The following UBE2Q1 variants were observed in gnomAD, a reference collection of about 807,000 sequenced individuals.
The protein encoded by UBE2Q1 is ubiquitin conjugating enzyme E2 Q1, also known as ubiquitin-conjugating enzyme E2 Q1.
A neutral mutation model predicts 60.1 loss-of-function variants in UBE2Q1; 6 were observed. The ratio of observed to expected loss-of-function variants is 0.10; its 90% CI spans 0.05 to 0.20. The LOEUF is 0.20. Among genes scored for constraint, UBE2Q1 ranks in the 10% least tolerant of loss-of-function variants. The pLI is 1.00. For synonymous variants in UBE2Q1, 226 were observed against 208.3 expected (o/e 1.09, Z -0.73); for missense variants, 262 against 525.8 (o/e 0.50, Z 4.91).
chr1:154,550,302 C>G lies in UBE2Q1; in HGVS notation c.*136G>C. On this transcript the variant is annotated 3_prime_UTR_variant, in exon 13 of 13. Transcript: ENST00000292211. ...TAGCGTTTAGAATAGCCATCATTGTCCTGCAATAGGCAGAGCTATCACGTC... is the reference window on the plus strand; with the variant it reads ...TAGCGTTTAGAATAGCCATCATTGTGCTGCAATAGGCAGAGCTATCACGTC... 8.7e-7 allele frequency: 1 copy of G among 1,153,182 alleles called. No homozygotes were observed. The highest frequency in any genetic ancestry group is 1.3e-6 in the Non-Finnish European group (1 of 791,212). The allele number at this position is 1,153,182 out of a possible 1,614,324, so 71.4% of individuals were successfully genotyped here.
chr1:154,550,378 G>C lies in UBE2Q1; in HGVS notation c.*60C>G, dbSNP rs1695773542. Reference sequence around the variant, plus strand: ...AGAGGCAGCGTGAGATCCAAATACAGCATTCAAAGGTAATTGGTCCAGTGG... The same window carrying C: ...AGAGGCAGCGTGAGATCCAAATACACCATTCAAAGGTAATTGGTCCAGTGG... On this transcript the variant is annotated 3_prime_UTR_variant, in exon 13 of 13. Transcript: ENST00000292211. The C allele has an allele frequency of 3.1e-6, 5 of 1,603,704 alleles. No individual in the cohort carries two copies. Among genetic ancestry groups the C allele is most frequent in the Non-Finnish European group, 4.3e-6 (5 of 1,171,140 alleles).
chr1:154,551,852 C>A (rs1233688612), intron 9 of UBE2Q1, 33 bp from the exon 10 acceptor site: 4 of 1,614,062 alleles, frequency 2.5e-6, no homozygotes, highest in Non-Finnish European at 3.4e-6. Flanking sequence ...CTGTGCCTGA[C>A]AAAATCTCCA....
chr1:154,555,331 G>A (rs1424263034), intron 3 of UBE2Q1, 97 bp downstream of exon 3: 1 of 1,023,590 alleles, frequency 9.8e-7, no homozygotes, highest in East Asian at 2.4e-5. Flanking sequence ...GGGAGCCGGT[G>A]GGGATGGAGA....
rs568502865 is a variant in UBE2Q1 at position 154,555,617 on chromosome 1, C to T, written c.433-85G>A. 90 of 1,295,502 alleles carry T rather than the reference C, an allele frequency of 6.9e-5. 4 individuals carry two copies. In the South Asian group the frequency reaches 1.0e-3, roughly 15 times the overall value. The allele number at this position is 1,295,502 out of a possible 1,614,324, so 80.3% of individuals were successfully genotyped here. A position where few individuals can be genotyped will look rare whatever the true frequency, so the allele number is the denominator to read the frequency against. ...ATGGATGAGCTCTTAGTTTGGGCCC[C>T]ACACCAATAACTAGTTCTCTAAGCC... On this transcript the variant is annotated intron_variant, in intron 2 of 12. Coordinates refer to ENST00000292211, the MANE Select transcript of UBE2Q1 (RefSeq NM_017582.7).
chr1:154,552,107 T>G lies in UBE2Q1; in HGVS notation c.952A>C (p.Asn318His). The G allele has an allele frequency of 6.2e-7, 1 of 1,614,198 alleles. No homozygotes were observed. Among genetic ancestry groups the G allele is most frequent in the African/African-American group, 1.3e-5 (1 of 75,038 alleles). The change falls in exon 8 of 13, where the codon AAC becomes CAC. Residue 318 changes from asparagine to histidine, a missense_variant. By Grantham distance (68) the Asn-to-His change is moderately conservative (BLOSUM62 1). Transcript: ENST00000292211. ...EKEGADFILL[N>H]FSFKDNFPFD... ...AAAAGTCTTACTTTAAAGGAAAAGT[T>G]AAGTAGAATGAAGTCGGCTCCTTCT... is the stretch of plus-strand genomic sequence containing the variant.
chr1:154,551,845 T>C (rs1278349565), intron 9 of UBE2Q1, 26 bp from the exon 10 acceptor site: 1 of 1,614,050 alleles, frequency 6.2e-7, no homozygotes, highest in African/African-American at 1.3e-5. Context: ...TAGTCAGCTG[T>C]GCCTGACAAA....
intron 4 of UBE2Q1, 168 bp downstream of exon 4, chr1:154,554,567 G>A (rs1695849807): frequency 3.1e-6 from 2 of 643,016 alleles, no homozygotes; most frequent in Admixed American, 6.2e-5. Flanking sequence ...TTGGATATGG[G>A]TGCCCTGTCT....
At position 154,557,347 on chromosome 1, in the gene UBE2Q1, T is replaced by C. The variant is rs190483533; in HGVS notation, c.327+880A>G. Reference sequence around the variant, plus strand: ...GTAACATCAACCAATATAAGTGCTATAGCATGCAGTACCAGACATTCCCAA... The same window carrying C: ...GTAACATCAACCAATATAAGTGCTACAGCATGCAGTACCAGACATTCCCAA... On this transcript the variant is annotated intron_variant, in intron 1 of 12. Transcript: ENST00000292211. Among the ~76,000 whole-genome samples, 7 of 152,344 alleles carry C rather than the reference T, an allele frequency of 4.6e-5. 1 individual carries two copies. Among genetic ancestry groups the C allele is most frequent in the Admixed American group, 2.6e-4 (4 of 15,308 alleles).
chr1:154,554,828 C>G, intron 3 of UBE2Q1, 43 bp from the exon 4 acceptor site: 1 of 1,605,754 alleles, frequency 6.2e-7, no homozygotes, highest in Non-Finnish European at 8.5e-7. Context: ...GCCCCAGTGG[C>G]TTGCTAGAAT....
Position 154,558,280 on chromosome 1 carries a change from G to T in UBE2Q1, c.274C>A (p.Pro92Thr). The T allele has an allele frequency of 1.3e-6, 2 of 1,581,158 alleles. No homozygotes were observed. The highest frequency in any genetic ancestry group is 1.7e-6 in the Non-Finnish European group (2 of 1,166,608). ...GAGAAPGPHL[P>T]PRGSVPGDPV... is the part of the protein sequence containing the mutation. ...TCCCCAGGCACCGACCCCCGTGGGG[G>T]GAGATGCGGTCCGGGCGCGGCCCCC... Residue 92 changes from proline to threonine, a missense_variant, in exon 1 of 13, where the codon CCC becomes ACC. Pro to Thr is a conservative substitution (Grantham distance 38). This residue lies in a region of UBE2Q1 where 49 missense variants were observed against 32.5 expected (regional missense o/e 1.51). Coordinates refer to ENST00000292211, the MANE Select transcript of UBE2Q1 (RefSeq NM_017582.7).
Position 154,553,965 on chromosome 1 carries a change from A to C in UBE2Q1, c.588+770T>G, listed in dbSNP as rs1403926736. Among the ~76,000 whole-genome samples the C allele has an allele frequency of 1.1e-4, 16 of 152,308 alleles. No homozygotes were observed. The East Asian group carries it at 3.1e-3, about 29-fold the overall frequency. ...GTTATAGAACCTGGGATATTAATCT[A>C]ATGCTAGGAAATAAAAGTAATCAGA... On this transcript the variant is annotated intron_variant, in intron 4 of 12. Coordinates refer to ENST00000292211, the MANE Select transcript of UBE2Q1 (RefSeq NM_017582.7).
At chr1:154,550,562 T>G (rs1179592672) in intron 12 of UBE2Q1, 93 bp from the exon 13 acceptor site, 2 of 1,592,410 alleles carry the variant, frequency 1.3e-6, no homozygotes, top group Non-Finnish European at 1.7e-6. Context: ...GTGGCAGAGA[T>G]AAGAGGATAT....
chr1:154,556,082 A>ACCCCCC (rs1695881811), intron 1 of UBE2Q1, 118 bp from the exon 2 acceptor site: 1 of 659,620 alleles, frequency 1.5e-6, no homozygotes, highest in Admixed American at 3.1e-5. Flanking sequence ...CCCACCCCCT[A>ACCCCCC]CACACACATA....
At chr1:154,550,519 C>T (rs1553201926) in intron 12 of UBE2Q1, 50 bp from the exon 13 acceptor site, 19 of 1,611,622 alleles carry the variant, frequency 1.2e-5, no homozygotes, top group Non-Finnish European at 1.5e-5. Flanking sequence ...GCCCACCCTC[C>T]CTGTCCTGCC....
chr1:154,549,588 TG>T lies in UBE2Q1; in HGVS notation c.*849del, dbSNP rs1310280697. On this transcript the variant is annotated 3_prime_UTR_variant, in exon 13 of 13. Coordinates refer to ENST00000292211, the MANE Select transcript of UBE2Q1 (RefSeq NM_017582.7). ...AGACCACATACACACTTGGAGACTG[TG>T]TCCCCATCCCCACTCAATTCATTCA... 4 of 134,306 alleles carry T rather than the reference TG, an allele frequency of 3.0e-5. No individual in the cohort carries two copies. Among genetic ancestry groups the T allele is most frequent in the African/African-American group, 1.7e-4 (4 of 24,056 alleles). 8.3% of individuals were successfully genotyped at this position (134,306 alleles called of 1,614,324 possible).
At chr1:154,550,846 A>T in intron 12 of UBE2Q1, 92 bp downstream of exon 12, 1 of 1,606,232 alleles carries the variant, frequency 6.2e-7, no homozygotes, top group Non-Finnish European at 8.5e-7. Context: ...GAGTATCAGA[A>T]ACCAAAAGAA....
chr1:154,552,963 C>T (rs545262333), intron 5 of UBE2Q1, 69 bp downstream of exon 5: 22 of 1,601,158 alleles, frequency 1.4e-5, no homozygotes, highest in South Asian at 6.7e-5. Context: ...TACTGAGATG[C>T]GATGGCCTAC....
chr1:154,555,530 T>C lies in UBE2Q1; in HGVS notation c.435A>G (p.Leu145=), dbSNP rs750380450. Residue 145 remains leucine (L), a splice_region_variant and synonymous_variant, in exon 3 of 13, where the codon CTA becomes CTG. Transcript: ENST00000292211. ...AGATGATCCTCTTCAGATGCTGCAA[T>C]AGCTACAGGTAGGGGAGCACAGAGA... ...LVDIKKGNTL[L]LQHLKRIISD... 3.7e-6 allele frequency: 6 copies of C among 1,613,516 alleles called. No homozygotes were observed. The highest frequency in any genetic ancestry group is 2.2e-5 in the East Asian group (1 of 44,880).
At chr1:154,555,058 C>T (rs1431336144) in intron 3 of UBE2Q1, 6 of 530,942 alleles carry the variant, frequency 1.1e-5, no homozygotes, top group African/African-American at 1.9e-5. Context: ...TTTAATTCTC[C>T]TAAGAACCCC....
Sources: allele counts gnomAD v4.1 joint callset (sites outside exome capture counted in the v4.1 genomes callset), GRCh38; gene constraint gnomAD v4.1.1; regional missense constraint gnomAD v4.1.1; transcripts MANE v1.5; gene names NCBI Gene and HGNC (gene_info 2026-07-23, HGNC 2026-07-21).